Variants in TRIM24 observed in about 807,000 individuals in gnomAD.
TRIM24 encodes tripartite motif containing 24, also known as transcription intermediary factor 1-alpha.
Under a neutral mutation model 123.9 loss-of-function variants are expected in TRIM24, and 29 were observed. The observed-to-expected ratio is 0.23, with a 90% CI of 0.17 to 0.32. The LOEUF (loss-of-function observed/expected upper bound fraction) is 0.32. TRIM24 is among the 10% of genes least tolerant of loss of function. The pLI is 1.00. For synonymous variants in TRIM24, 456 were observed against 461.1 expected (o/e 0.99, Z 0.14); for missense variants, 932 against 1,295.3 (o/e 0.72, Z 4.31).
chr7:138,508,692 T>TGTGTGTGCGCGCGCGCGCGC (rs1422176564), intron 2 of TRIM24, among the ~76,000 whole-genome samples: 16 of 137,208 alleles, frequency 1.2e-4, no homozygotes, highest in South Asian at 4.9e-4. Flanking sequence ...TGTGTGTGTG[T>TGTGTGTGCGCGCGCGCGCGC]GCGCGCGCGT....
chr7:138,484,267 G>T (rs1233883468), intron 1 of TRIM24, among the ~76,000 whole-genome samples: 1 of 151,858 alleles, frequency 6.6e-6, no homozygotes, highest in African/African-American at 2.4e-5. Flanking sequence ...GTGCCACCAT[G>T]CCTGGCTAAT....
chr7:138,570,216 C>T (rs1021761161), intron 10 of TRIM24, among the ~76,000 whole-genome samples: 2 of 151,996 alleles, frequency 1.3e-5, no homozygotes, highest in South Asian at 2.1e-4. Context: ...CAAAGTGCTG[C>T]GATTACAGGC....
At chr7:138,532,135 A>G (rs1453092097) in intron 6 of TRIM24, among the ~76,000 whole-genome samples, 13 of 151,726 alleles carry the variant, frequency 8.6e-5, no homozygotes, top group Non-Finnish European at 1.8e-4. Flanking sequence ...AGATGAGTAG[A>G]TTGCAAAACT....
chr7:138,568,398 T>G (rs989503744), intron 10 of TRIM24, among the ~76,000 whole-genome samples: 3 of 141,932 alleles, frequency 2.1e-5, no homozygotes, highest in Non-Finnish European at 4.6e-5. Context: ...TTTTTTTTTT[T>G]TTTTTTTTTT....
chr7:138,532,631 T>C (rs1260346679), intron 6 of TRIM24, among the ~76,000 whole-genome samples: 1 of 152,210 alleles, frequency 6.6e-6, no homozygotes, highest in African/African-American at 2.4e-5. Flanking sequence ...TAGTAAAGTT[T>C]GAAGTCAGGT....
At chr7:138,486,775 C>T (rs1248772578) in intron 1 of TRIM24, among the ~76,000 whole-genome samples, 1 of 152,284 alleles carries the variant, frequency 6.6e-6, no homozygotes, top group African/African-American at 2.4e-5. Flanking sequence ...TAGCATGATG[C>T]CTCCAGCTTT....
intron 3 of TRIM24, among the ~76,000 whole-genome samples, chr7:138,517,949 A>G (rs942041029): frequency 1.3e-5 from 2 of 152,206 alleles, no homozygotes; most frequent in African/African-American, 4.8e-5. Context: ...TAGCCACTCT[A>G]CACTGGTTGA....
At chr7:138,464,743 A>C (rs1041399363) in intron 1 of TRIM24, among the ~76,000 whole-genome samples, 1 of 152,202 alleles carries the variant, frequency 6.6e-6, no homozygotes, top group Non-Finnish European at 1.5e-5. Flanking sequence ...GTTATATTTC[A>C]TACACTTTTT....
chr7:138,537,516 A>T (rs992346301), intron 6 of TRIM24, among the ~76,000 whole-genome samples: 3 of 150,880 alleles, frequency 2.0e-5, no homozygotes, highest in African/African-American at 7.3e-5. Context: ...ATTGGCTGAA[A>T]TAGATATTAG....
intron 1 of TRIM24, among the ~76,000 whole-genome samples, chr7:138,463,117 C>G (rs905347957): frequency 4.9e-5 from 7 of 142,812 alleles, no homozygotes; most frequent in African/African-American, 1.8e-4. Flanking sequence ...CTTGAACTCC[C>G]GACCTCAGGT....
intron 9 of TRIM24, among the ~76,000 whole-genome samples, chr7:138,566,852 A>AT (rs1797545357): frequency 6.6e-6 from 1 of 152,170 alleles, no homozygotes; most frequent in African/African-American, 2.4e-5. Context: ...CGATTTGTTC[A>AT]TTTTGAGTAC....
intron 10 of TRIM24, 64 bp from the exon 11 acceptor site, chr7:138,570,766 T>C (rs1797637495): frequency 2.6e-6 from 4 of 1,539,676 alleles, no homozygotes; most frequent in Non-Finnish European, 3.5e-6. Flanking sequence ...TGTGAGTGAT[T>C]ACATAGATGT....
chr7:138,534,992 T>C (rs948947732), intron 6 of TRIM24, among the ~76,000 whole-genome samples: 1 of 152,184 alleles, frequency 6.6e-6, no homozygotes, highest in African/African-American at 2.4e-5. Flanking sequence ...TCTCTTTTGA[T>C]GTTTGTTGGT....
intron 17 of TRIM24, among the ~76,000 whole-genome samples, chr7:138,582,248 T>C (rs184817590): frequency 1.4e-4 from 22 of 152,268 alleles, no homozygotes; most frequent in African/African-American, 5.1e-4. Flanking sequence ...TATTGAAAGT[T>C]TGATGTGACT....
chr7:138,517,858 TTCTCTC>T (rs1399514606), intron 3 of TRIM24, among the ~76,000 whole-genome samples: 2 of 152,220 alleles, frequency 1.3e-5, no homozygotes, highest in Non-Finnish European at 2.9e-5. Context: ...TCTTCTCTCT[TTCTCTC>T]TTGCTTTCTC....
At chr7:138,523,779 T>C (rs1796554385) in intron 4 of TRIM24, among the ~76,000 whole-genome samples, 1 of 148,566 alleles carries the variant, frequency 6.7e-6, no homozygotes, top group East Asian at 2.0e-4. Context: ...AAAGCCCCTT[T>C]CTTATACAAA....
chr7:138,527,018 G>T (rs368868534), intron 5 of TRIM24, among the ~76,000 whole-genome samples: 1 of 151,846 alleles, frequency 6.6e-6, no homozygotes, highest in Non-Finnish European at 1.5e-5. Flanking sequence ...CTGAGTATAT[G>T]GTTTGATTTA....
intron 1 of TRIM24, among the ~76,000 whole-genome samples, chr7:138,476,933 TACTGTG>T (rs1191473622): frequency 6.6e-6 from 1 of 152,150 alleles, no homozygotes; most frequent in African/African-American, 2.4e-5. Context: ...TATGGTATAT[TACTGTG>T]CCGATGTAAA....
At chr7:138,471,111 T>G (rs1795263549) in intron 1 of TRIM24, among the ~76,000 whole-genome samples, 1 of 152,216 alleles carries the variant, frequency 6.6e-6, no homozygotes, top group Non-Finnish European at 1.5e-5. Context: ...CTCTTTGAAA[T>G]TGACTGACAT....
Sources: gnomAD v4.1 joint callset for allele counts (sites outside exome capture counted in the v4.1 genomes callset) on GRCh38, gnomAD v4.1.1 for gene constraint, MANE v1.5 for transcripts, NCBI Gene and HGNC (gene_info 2026-07-23, HGNC 2026-07-21) for gene names.